Variants in RET observed in about 807,000 individuals in gnomAD.
The protein encoded by RET is proto-oncogene tyrosine-protein kinase receptor Ret.
RET carries 19 observed loss-of-function variants against 118.3 expected under a neutral mutation model. The ratio of observed to expected loss-of-function variants is 0.16; its 90% CI spans 0.11 to 0.24. The LOEUF is 0.24. RET is among the 10% of genes least tolerant of loss of function. RET has a pLI of 1.00. For missense variants in RET, 1,219 were observed against 1,502.1 expected, an observed-to-expected ratio of 0.81 and a Z score of 3.12; for synonymous variants, 597 against 644.1, an observed-to-expected ratio of 0.93 and a Z score of 1.11.
At chr10:43,117,152 T>A (rs1838091617) in intron 12 of RET, among the ~76,000 whole-genome samples, 1 of 152,200 alleles carries the variant, frequency 6.6e-6, no homozygotes. Context: ...ATGCCACAAG[T>A]TTGGCTCTCG....
chr10:43,088,042 G>T (rs1340929861), intron 1 of RET, among the ~76,000 whole-genome samples: 1 of 148,708 alleles, frequency 6.7e-6, no homozygotes, highest in Non-Finnish European at 1.5e-5. Context: ...AGTGGTGGTT[G>T]TGGTGGTGGT....
rs1799939 is a variant in RET at position 43,114,671 on chromosome 10, G to C, written c.2071G>C (p.Gly691Arg). The change falls in exon 11 of 20, where the codon GGT (glycine) becomes CGT (arginine). Residue 691 changes from glycine to arginine, a missense_variant. Gly to Arg is a moderately radical substitution (Grantham distance 125). This residue lies in a region of RET where 850 missense variants were observed against 969.6 expected (regional missense o/e 0.88). Coordinates refer to ENST00000355710, the MANE Select transcript of RET (RefSeq NM_020975.6). This position sits in a 1 kb window ranked among gnomAD's most constrained non-coding sequence, Gnocchi z 4.6. ...QAFPVSYSSS[G>R]ARRPSLDSME... ...CTTCCCGGTCAGCTACTCCTCTTCC[G>C]GTGCCCGCCGGCCCTCGCTGGACTC... is the stretch of plus-strand genomic sequence containing the variant. The C allele has an allele frequency of 5.6e-6, 9 of 1,612,290 alleles. No individual in the cohort carries two copies. The highest frequency in any genetic ancestry group is 7.6e-6 in the Non-Finnish European group (9 of 1,179,882).
At chr10:43,092,404 G>A (rs1044850642) in intron 1 of RET, among the ~76,000 whole-genome samples, 1 of 152,244 alleles carries the variant, frequency 6.6e-6, no homozygotes, top group Non-Finnish European at 1.5e-5. Flanking sequence ...TTGCATGGCA[G>A]TGTGAATGCA....
Position 43,113,636 on chromosome 10 carries a change from G to A in RET, c.1840G>A (p.Glu614Lys), listed in dbSNP as rs769971379. 5.0e-6 allele frequency: 8 copies of A among 1,613,236 alleles called. No individual in the cohort carries two copies. The highest frequency in any genetic ancestry group is 3.3e-5 in the South Asian group (3 of 90,940). Reference protein sequence around the residue: ...AGYGTCNCFPEEEKCFCEPED... With the variant: ...AGYGTCNCFPKEEKCFCEPED... ...CTATGGCACCTGCAACTGCTTCCCT[G>A]AGGAGGAGAAGTGCTTCTGCGAGCC... is the stretch of plus-strand genomic sequence containing the variant. Residue 614 changes from glutamate (E) to lysine (K), a missense_variant, in exon 10 of 20, where the codon GAG becomes AAG. Transcript: ENST00000355710.
intron 1 of RET, among the ~76,000 whole-genome samples, chr10:43,097,022 C>T (rs1031604915): frequency 1.8e-4 from 27 of 152,220 alleles, no homozygotes; most frequent in Admixed American, 1.4e-3. Flanking sequence ...TGCTCGCAAT[C>T]ATTGCCTGAC....
At chr10:43,099,535 A>C (rs1201691719) in intron 1 of RET, among the ~76,000 whole-genome samples, 1 of 151,492 alleles carries the variant, frequency 6.6e-6, no homozygotes, top group Admixed American at 6.6e-5. Context: ...TAAATAAATA[A>C]ATAAATAAAT....
At position 43,077,155 on chromosome 10, in the gene RET, C is replaced by G. The variant is rs1837060122; in HGVS notation, c.-104C>G. The G allele has an allele frequency of 7.6e-7, 1 of 1,312,068 alleles. No individual in the cohort carries two copies. The highest frequency in any genetic ancestry group is 3.2e-5 in the East Asian group (1 of 31,574). 81.3% of individuals were successfully genotyped at this position (1,312,068 alleles called of 1,614,324 possible). On this transcript the variant is annotated 5_prime_UTR_variant, in exon 1 of 20. Transcript: ENST00000355710. ...CCCAGTGTCCGTCGCGTCCGCCGCG[C>G]CCCGGGCGGGGATGGGGCGGCCAGA...
intron 17 of RET, 89 bp downstream of exon 17, chr10:43,123,897 A>G (rs1362681241): frequency 1.2e-5 from 19 of 1,592,496 alleles, no homozygotes; most frequent in Non-Finnish European, 1.5e-5. Context: ...CAGCCCCAGG[A>G]GAAACCAGGA....
chr10:43,112,401 A>G (rs1837961565), intron 8 of RET, among the ~76,000 whole-genome samples, 177 bp downstream of exon 8: 1 of 152,230 alleles, frequency 6.6e-6, no homozygotes, highest in South Asian at 2.1e-4. Context: ...GGCTTGGGAG[A>G]GGGCTTGTGA....
chr10:43,117,162 G>A (rs1204493307), intron 12 of RET, among the ~76,000 whole-genome samples: 3 of 152,222 alleles, frequency 2.0e-5, no homozygotes, highest in Non-Finnish European at 4.4e-5. Context: ...TTTGGCTCTC[G>A]ATGGGCACAT....
chr10:43,108,216 G>T (rs188647436), intron 5 of RET, among the ~76,000 whole-genome samples: 3 of 151,968 alleles, frequency 2.0e-5, no homozygotes, highest in African/African-American at 7.3e-5. Context: ...TTAGCCAGGC[G>T]TGGTGGCACA....
Position 43,105,008 on chromosome 10 carries a change from G to T in RET, c.682G>T (p.Ala228Ser), listed in dbSNP as rs760813493. ...PDSLEVSTRW[A>S]LDREQREKYE... is the part of the protein sequence containing the mutation. ...CAGCCTGGAGGTGAGCACGCGCTGG[G>T]CCCTGGACCGCGAGCAGCGGGAGAA... Residue 228 changes from alanine to serine, a missense_variant, in exon 4 of 20, where the codon GCC (alanine) becomes TCC (serine). This residue lies in a region of RET where 850 missense variants were observed against 969.6 expected (regional missense o/e 0.88). Transcript: ENST00000355710. 1.3e-6 allele frequency: 2 copies of T among 1,594,854 alleles called. No individual in the cohort carries two copies.
intron 12 of RET, 50 bp downstream of exon 12, chr10:43,116,781 G>A (rs2132911896): frequency 3.2e-6 from 4 of 1,254,518 alleles, no homozygotes; most frequent in Non-Finnish European, 4.7e-6. Context: ...TCCGGGGCGG[G>A]GGGCGGGTGA....
intron 10 of RET, 76 bp downstream of exon 10, chr10:43,113,751 C>G: frequency 6.3e-7 from 1 of 1,584,728 alleles, no homozygotes. Flanking sequence ...GAGGTCCCAA[C>G]AAGGGAGGAA....
chr10:43,128,402 G>C lies in RET; in HGVS notation c.*133G>C. 1.8e-6 allele frequency: 2 copies of C among 1,083,672 alleles called. No individual in the cohort carries two copies. Among genetic ancestry groups the C allele is most frequent in the Non-Finnish European group, 2.8e-6 (2 of 721,734 alleles). 67.1% of individuals were successfully genotyped at this position (1,083,672 alleles called of 1,614,324 possible). A position where few individuals can be genotyped will look rare whatever the true frequency, so the allele number is the denominator to read the frequency against. The stretch of plus-strand genomic sequence containing the variant: ...GTTCCCAGGTGGCAGACTCGTTTTT[G>C]GTAGTTTGTTTTAACTTCCAAGGTG... On this transcript the variant is annotated 3_prime_UTR_variant, in exon 20 of 20. Coordinates refer to ENST00000355710, the MANE Select transcript of RET (RefSeq NM_020975.6).
intron 1 of RET, 40 bp downstream of exon 1, chr10:43,077,371 C>T: frequency 2.7e-6 from 4 of 1,495,164 alleles, no homozygotes; most frequent in Non-Finnish European, 3.5e-6. Flanking sequence ...GGGGCCAGGG[C>T]GAAGTTGGCG....
chr10:43,108,687 C>G (rs1254840706), intron 5 of RET, among the ~76,000 whole-genome samples: 1 of 152,126 alleles, frequency 6.6e-6, no homozygotes, highest in Non-Finnish European at 1.5e-5. Context: ...ACCCTATGCA[C>G]AGACACCACA....
At position 43,102,529 on chromosome 10, in the gene RET, C is replaced by T; in HGVS notation, c.525C>T (p.Arg175=). 1.9e-6 allele frequency: 3 copies of T among 1,614,232 alleles called. No individual in the cohort carries two copies. The highest frequency in any genetic ancestry group is 2.5e-6 in the Non-Finnish European group (3 of 1,180,046). The change falls in exon 3 of 20, where the codon CGC becomes CGT. Residue 175 remains arginine (R), a synonymous_variant. Coordinates refer to ENST00000355710, the MANE Select transcript of RET (RefSeq NM_020975.6). ...LCFPETRPSF[R]IRENRPPGTF... is the part of the protein sequence containing the mutation. ...TCCCAGAGACAAGGCCCTCCTTCCGCATTCGGGAGAACCGACCCCCAGGCA... is the reference window on the plus strand; with the variant it reads ...TCCCAGAGACAAGGCCCTCCTTCCGTATTCGGGAGAACCGACCCCCAGGCA...
Position 43,115,007 on chromosome 10 carries a change from T to C in RET, c.2136+271T>C, listed in dbSNP as rs1864399. ...AGCAGCAGTGTGGATGGAGGGGCAC[T>C]GAAGTCAGAAGGGGGTGCCTTTCTG... On this transcript the variant is annotated intron_variant, in intron 11 of 19. Transcript: ENST00000355710. 0.79 allele frequency among the ~76,000 whole-genome samples: 119,496 copies of C among 151,872 alleles called. 47,580 individuals carry two copies. The highest frequency in any genetic ancestry group is 0.89 in the African/African-American group (36,803 of 41,456).
Sources: allele counts gnomAD v4.1 joint callset (sites outside exome capture counted in the v4.1 genomes callset), GRCh38; gene constraint gnomAD v4.1.1; regional missense constraint gnomAD v4.1.1; non-coding constraint Gnocchi (gnomAD v3.1); transcripts MANE v1.5; gene names NCBI Gene and HGNC (gene_info 2026-07-23, HGNC 2026-07-21).